Variants in CADM2 observed in about 807,000 individuals in gnomAD.
The protein encoded by CADM2 is cell adhesion molecule 2, also known as immunoglobulin superfamily member 4D.
In CADM2, 12 loss-of-function variants were observed where a neutral mutation model predicts 49.8. The ratio of observed to expected loss-of-function variants is 0.24; its 90% CI spans 0.15 to 0.39. CADM2 has a LOEUF of 0.39. Among genes scored for constraint, CADM2 ranks in the 10% least tolerant of loss-of-function variants. The probability of loss-of-function intolerance (pLI) is 1.00; values close to 1 mark genes in which losing one functional copy is unlikely to be tolerated. For synonymous variants in CADM2, 214 were observed against 175.4 expected, an observed-to-expected ratio of 1.22 and a Z score of -1.74; for missense variants, 378 against 492.3, an observed-to-expected ratio of 0.77 and a Z score of 2.20.
At chr3:85,286,858 G>T (rs957906592) in intron 1 of CADM2, among the ~76,000 whole-genome samples, 17 of 152,092 alleles carry the variant, frequency 1.1e-4, no homozygotes, top group Admixed American at 3.9e-4. Context: ...TATAATAAAA[G>T]AGAGCAAATA....
chr3:85,084,304 C>A (rs555581824), intron 1 of CADM2, among the ~76,000 whole-genome samples: 66 of 152,190 alleles, frequency 4.3e-4, no homozygotes, highest in African/African-American at 1.5e-3. Flanking sequence ...CTAAAATGTG[C>A]CTTTAGCAAA....
chr3:85,477,922 T>C (rs187735613), intron 1 of CADM2, among the ~76,000 whole-genome samples: 1 of 152,076 alleles, frequency 6.6e-6, no homozygotes, highest in African/African-American at 2.4e-5. Flanking sequence ...TAAAGATCTA[T>C]TTATTTAAAA....
intron 1 of CADM2, among the ~76,000 whole-genome samples, chr3:85,419,055 A>C (rs1245522466): frequency 6.6e-6 from 1 of 152,168 alleles, no homozygotes; most frequent in Non-Finnish European, 1.5e-5. Context: ...CTGCTGGTTT[A>C]AACTGCCCTG....
At chr3:85,113,362 A>G (rs1458098284) in intron 1 of CADM2, among the ~76,000 whole-genome samples, 1 of 152,098 alleles carries the variant, frequency 6.6e-6, no homozygotes, top group Admixed American at 6.6e-5. Context: ...CTACCACCCT[A>G]TTGGAATTGT....
At chr3:85,174,102 C>A (rs533909664) in intron 1 of CADM2, among the ~76,000 whole-genome samples, 3 of 152,076 alleles carry the variant, frequency 2.0e-5, no homozygotes, top group East Asian at 1.9e-4. Context: ...TCTGTTCCAG[C>A]GCACCCCATC....
chr3:85,329,513 TGAGCCGAGATTGCACG>T lies in CADM2; in HGVS notation c.61+369861_61+369876del, dbSNP rs1400789619. 7.2e-5 allele frequency among the ~76,000 whole-genome samples: 11 copies of T among 151,930 alleles called. No homozygotes were observed. In the South Asian group the frequency reaches 1.0e-3, roughly 14 times the overall value. Reference sequence around the variant, plus strand: ...TGAACCCAGGGGGCGGAGGTTGCAGTGAGCCGAGATTGCACGGAGCCGAGATTGCACCACTGCACTC... The same window carrying T: ...TGAACCCAGGGGGCGGAGGTTGCAGTGAGCCGAGATTGCACCACTGCACTC... On this transcript the variant is annotated intron_variant, in intron 1 of 9. Coordinates refer to ENST00000383699, the MANE Select transcript of CADM2 (RefSeq NM_001167675.2).
At chr3:85,070,378 CA>C (rs2036683523) in intron 1 of CADM2, among the ~76,000 whole-genome samples, 1 of 152,082 alleles carries the variant, frequency 6.6e-6, no homozygotes, top group African/African-American at 2.4e-5. Context: ...TACTTCATAT[CA>C]AATTATTCTT....
chr3:85,677,996 A>T (rs1014936863), intron 1 of CADM2, among the ~76,000 whole-genome samples: 1 of 152,248 alleles, frequency 6.6e-6, no homozygotes, highest in Admixed American at 6.5e-5. Context: ...TGGTTGGAGG[A>T]TAACAAAGAG....
At chr3:85,082,800 G>C (rs890213545) in intron 1 of CADM2, among the ~76,000 whole-genome samples, 2 of 152,052 alleles carry the variant, frequency 1.3e-5, no homozygotes, top group Non-Finnish European at 2.9e-5. Flanking sequence ...AAAGAACAAA[G>C]GCATATTTGA....
At chr3:85,926,807 T>G (rs1330087120) in intron 6 of CADM2, among the ~76,000 whole-genome samples, 1 of 152,190 alleles carries the variant, frequency 6.6e-6, no homozygotes, top group Admixed American at 6.5e-5. Flanking sequence ...GTACACAATA[T>G]GCAGATCATA....
chr3:85,344,658 A>C (rs2030385448), intron 1 of CADM2, among the ~76,000 whole-genome samples: 1 of 152,072 alleles, frequency 6.6e-6, no homozygotes, highest in Admixed American at 6.5e-5. Context: ...TTTTGGTAAA[A>C]TGTCATTTAT....
At chr3:85,566,675 A>C (rs1007568455) in intron 1 of CADM2, among the ~76,000 whole-genome samples, 2 of 152,178 alleles carry the variant, frequency 1.3e-5, no homozygotes, top group Non-Finnish European at 2.9e-5. Flanking sequence ...TGCTCAGTAT[A>C]TTAGAATCCG....
At chr3:85,655,373 C>T (rs1347122553) in intron 1 of CADM2, among the ~76,000 whole-genome samples, 2 of 152,024 alleles carry the variant, frequency 1.3e-5, no homozygotes, top group South Asian at 2.1e-4. Context: ...GTTGGCCAGG[C>T]TGGTCTCGAA....
Position 85,951,572 on chromosome 3 carries a change from G to A in CADM2, c.792-9897G>A, listed in dbSNP as rs566812244. Among the ~76,000 whole-genome samples, 9 of 151,070 alleles carry A rather than the reference G, an allele frequency of 6.0e-5. 1 individual carries two copies. The highest frequency in any genetic ancestry group is 2.2e-4 in the African/African-American group (9 of 41,422). ...TATTATGTTAAACAGCTCTGGGACGGAGAAATGTGTATGTCTAATCACACA... is the reference window on the plus strand; with the variant it reads ...TATTATGTTAAACAGCTCTGGGACGAAGAAATGTGTATGTCTAATCACACA... On this transcript the variant is annotated intron_variant, in intron 7 of 9. Transcript: ENST00000383699.
intron 1 of CADM2, among the ~76,000 whole-genome samples, chr3:85,625,340 T>C (rs1258743464): frequency 6.6e-6 from 1 of 152,130 alleles, no homozygotes; most frequent in African/African-American, 2.4e-5. Flanking sequence ...ACTACGTATG[T>C]TTTTAAAGGC....
At chr3:85,848,067 T>A (rs1014696815) in intron 3 of CADM2, among the ~76,000 whole-genome samples, 5 of 152,152 alleles carry the variant, frequency 3.3e-5, no homozygotes, top group African/African-American at 4.8e-5. Flanking sequence ...ATAATTTTTT[T>A]AATTAATGTT....
chr3:85,736,423 A>G (rs749873871), intron 2 of CADM2, among the ~76,000 whole-genome samples: 3 of 152,214 alleles, frequency 2.0e-5, no homozygotes, highest in Non-Finnish European at 4.4e-5. Context: ...CTTAGAGAAA[A>G]TGATGGTCAG....
intron 8 of CADM2, among the ~76,000 whole-genome samples, chr3:86,064,146 G>A (rs139681462): frequency 0.018 from 2,735 of 151,922 alleles, 52 homozygotes; most frequent in Non-Finnish European, 0.029. Flanking sequence ...ATGTTCGTGT[G>A]CTGCCCCCAG....
At chr3:86,027,771 T>C (rs1479600667) in intron 8 of CADM2, 1 of 152,078 alleles carries the variant, frequency 6.6e-6, no homozygotes, top group East Asian at 1.9e-4. Flanking sequence ...ATTTTAAAAG[T>C]ATTGCTCTTT....
Sources: gnomAD v4.1 joint callset for allele counts (sites outside exome capture counted in the v4.1 genomes callset) on GRCh38, gnomAD v4.1.1 for gene constraint, MANE v1.5 for transcripts, NCBI Gene and HGNC (gene_info 2026-07-23, HGNC 2026-07-21) for gene names.